The following DIAPH2 variants were observed in gnomAD, a reference collection of about 807,000 sequenced individuals.
DIAPH2 encodes protein diaphanous homolog 2.
A neutral mutation model predicts 92.7 loss-of-function variants in DIAPH2; 35 were observed. That is an observed-to-expected ratio of 0.38 (90% CI 0.29 to 0.50). DIAPH2 has a LOEUF of 0.50. Ranked by LOEUF, DIAPH2 falls within the 20% of genes least tolerant of loss-of-function variation. The probability of loss-of-function intolerance (pLI) is 0.94; values close to 1 mark genes in which losing one functional copy is unlikely to be tolerated. For missense variants in DIAPH2, 701 were observed against 819.5 expected (o/e 0.86, Z 1.77); for synonymous variants, 301 against 280.4 (o/e 1.07, Z -0.73).
At chrX:97,084,368 C>A (rs766449977) in intron 19 of DIAPH2, among the ~76,000 whole-genome samples, 2 of 111,953 alleles carry the variant, frequency 1.8e-5, no homozygotes, top group East Asian at 5.6e-4. Context: ...CAAAGAATGT[C>A]TTTTCCAGTG....
chrX:97,567,298 C>A (rs1203493726), intron 26 of DIAPH2, among the ~76,000 whole-genome samples: 1 of 111,977 alleles, frequency 8.9e-6, no homozygotes, highest in Non-Finnish European at 1.9e-5. Context: ...CTTGCACAAC[C>A]TGAATTCTTT....
intron 11 of DIAPH2, among the ~76,000 whole-genome samples, 153 bp from the exon 12 acceptor site, chrX:96,939,113 T>A (rs1175298812): frequency 1.8e-5 from 2 of 111,443 alleles, no homozygotes; most frequent in African/African-American, 6.5e-5. Flanking sequence ...AATCATTACT[T>A]TATGCAGATG....
intron 17 of DIAPH2, among the ~76,000 whole-genome samples, chrX:97,033,883 C>T (rs2066392847): frequency 9.0e-6 from 1 of 111,579 alleles, no homozygotes; most frequent in East Asian, 2.8e-4. Flanking sequence ...TTTTAACTTG[C>T]TCTTTTGATG....
intron 20 of DIAPH2, among the ~76,000 whole-genome samples, chrX:97,114,136 C>T (rs953612390): frequency 4.5e-5 from 5 of 111,878 alleles, no homozygotes; most frequent in Admixed American, 9.6e-5. Flanking sequence ...CATCTAATTA[C>T]TTAACAGCAG....
chrX:96,727,398 G>C (rs1293502997), intron 1 of DIAPH2, among the ~76,000 whole-genome samples: 2 of 111,910 alleles, frequency 1.8e-5, no homozygotes, highest in Non-Finnish European at 3.8e-5. Context: ...ATTCCTTGTG[G>C]TTTTCAAGAC....
At chrX:97,478,873 T>A (rs2070629903) in intron 26 of DIAPH2, among the ~76,000 whole-genome samples, 1 of 111,947 alleles carries the variant, frequency 8.9e-6, no homozygotes. Flanking sequence ...TATGGTAGAA[T>A]GCCGTGGTAC....
At chrX:97,473,337 TAA>T (rs2070577818) in intron 26 of DIAPH2, among the ~76,000 whole-genome samples, 1 of 110,879 alleles carries the variant, frequency 9.0e-6, no homozygotes, top group Non-Finnish European at 1.9e-5. Context: ...ATTAATTAAT[TAA>T]TTAATTTATT....
chrX:97,193,876 A>C (rs1460016677), intron 22 of DIAPH2, among the ~76,000 whole-genome samples: 1 of 112,132 alleles, frequency 8.9e-6, no homozygotes, highest in Non-Finnish European at 1.9e-5. Context: ...TCTGGCCTAT[A>C]AATAAGTTAG....
In DIAPH2 at chrX:97,181,705, C is replaced by T. The variant is rs537019821; in HGVS notation, c.2719+39911C>T. On this transcript the variant is annotated intron_variant, in intron 22 of 26. Coordinates refer to ENST00000324765, the MANE Select transcript of DIAPH2 (RefSeq NM_006729.5). ...GATTACAGGCGTGAGCCACCACGCCCGGCCTAGAGTGTGTGTTTTTAACAA... is the reference window on the plus strand; with the variant it reads ...GATTACAGGCGTGAGCCACCACGCCTGGCCTAGAGTGTGTGTTTTTAACAA... Among the ~76,000 whole-genome samples, 88 of 112,610 alleles carry T rather than the reference C, an allele frequency of 7.8e-4. 1 individual carries two copies. The highest frequency in any genetic ancestry group is 2.7e-3 in the African/African-American group (84 of 31,027).
intron 13 of DIAPH2, among the ~76,000 whole-genome samples, chrX:96,944,485 C>T (rs991928828): frequency 8.9e-5 from 8 of 90,189 alleles, no homozygotes; most frequent in African/African-American, 4.7e-4. Flanking sequence ...TACCCCCTAA[C>T]TGCATTGTCC....
intron 17 of DIAPH2, among the ~76,000 whole-genome samples, chrX:97,055,656 CA>C (rs1440201160): frequency 2.7e-5 from 3 of 110,385 alleles, no homozygotes; most frequent in Non-Finnish European, 5.7e-5. Flanking sequence ...TTGCACAGGG[CA>C]AAAAATATAA....
At chrX:97,195,640 G>A (rs370003421) in intron 22 of DIAPH2, among the ~76,000 whole-genome samples, 4 of 90,601 alleles carry the variant, frequency 4.4e-5, no homozygotes, top group African/African-American at 1.6e-4. Flanking sequence ...CAGCCTGGGC[G>A]ATAGAGCAAG....
chrX:97,269,857 A>T (rs762972744), intron 23 of DIAPH2, among the ~76,000 whole-genome samples: 30 of 108,944 alleles, frequency 2.8e-4, no homozygotes, highest in Admixed American at 1.9e-3. Context: ...AGTTCAAGCG[A>T]TTCTCCTGCC....
At chrX:97,254,492 C>CAAA (rs1172020847) in intron 23 of DIAPH2, among the ~76,000 whole-genome samples, 347 of 29,012 alleles carry the variant, frequency 0.012, 5 homozygotes, top group African/African-American at 0.038. Flanking sequence ...AACTCTGTCT[C>CAAA]AAAAAAAAAA....
Position 97,545,533 on chromosome X carries a change from A to AAAT in DIAPH2, c.3242-53719_3242-53718insATA, listed in dbSNP as rs1260118151. ...TTTTTAAGTTTGATGAAAAAAAAAA[A>AAAT]ATATATATATATATATATATATATA... On this transcript the variant is annotated intron_variant, in intron 26 of 26. Transcript: ENST00000324765. Among the ~76,000 whole-genome samples the AAAT allele has an allele frequency of 9.1e-3, 718 of 79,259 alleles. 5 individuals carry two copies. Among genetic ancestry groups the AAAT allele is most frequent in the Non-Finnish European group, 0.014 (603 of 42,179 alleles). The allele number at this position is 79,259 out of a possible 115,157, so 68.8% of individuals were successfully genotyped here.
At chrX:97,378,189 C>T (rs1381349427) in intron 24 of DIAPH2, among the ~76,000 whole-genome samples, 2 of 109,829 alleles carry the variant, frequency 1.8e-5, no homozygotes, top group Admixed American at 9.8e-5. Flanking sequence ...TTGAGACCAG[C>T]CTGGCCAACA....
At chrX:97,309,465 G>A (rs933578882) in intron 23 of DIAPH2, among the ~76,000 whole-genome samples, 10 of 111,666 alleles carry the variant, frequency 9.0e-5, no homozygotes, top group African/African-American at 3.2e-4. Flanking sequence ...ATAATGAAGT[G>A]CCTGCCCATA....
chrX:97,357,541 G>A (rs2069279347), intron 24 of DIAPH2, among the ~76,000 whole-genome samples: 2 of 108,144 alleles, frequency 1.8e-5, no homozygotes, highest in South Asian at 8.3e-4. Flanking sequence ...TTCCATTTCG[G>A]TGTAGATTAC....
chrX:96,884,534 C>T (rs1406056683), intron 5 of DIAPH2: 8 of 1,210,463 alleles, frequency 6.6e-6, no homozygotes. Flanking sequence ...TCCCAGGTCT[C>T]CATCGTGGGG....
Sources: gnomAD v4.1 joint callset for allele counts (sites outside exome capture counted in the v4.1 genomes callset) on GRCh38, gnomAD v4.1.1 for gene constraint, MANE v1.5 for transcripts, NCBI Gene and HGNC (gene_info 2026-07-23, HGNC 2026-07-21) for gene names.